Variants in RALGDS observed in about 807,000 individuals in gnomAD.
RALGDS encodes the protein ral guanine nucleotide dissociation stimulator.
RALGDS carries 44 observed loss-of-function variants against 99.8 expected under a neutral mutation model. That is an observed-to-expected ratio of 0.44 (90% confidence interval 0.35 to 0.57). The LOEUF (loss-of-function observed/expected upper bound fraction) is 0.57. RALGDS is among the 20% of genes least tolerant of loss of function. RALGDS has a pLI of 0.01. For missense variants in RALGDS, 1,022 were observed against 1,203.1 expected (o/e 0.85, Z 2.23); for synonymous variants, 529 against 505.0 (o/e 1.05, Z -0.64).
intron 1 of RALGDS, among the ~76,000 whole-genome samples, chr9:133,140,679 G>A (rs925416641): frequency 2.0e-5 from 3 of 152,118 alleles, no homozygotes; most frequent in African/African-American, 7.2e-5. Flanking sequence ...GTGGGGGAGG[G>A]GGTGGGGAAG....
intron 4 of RALGDS, among the ~76,000 whole-genome samples, 190 bp downstream of exon 4, chr9:133,109,436 C>T (rs1423705648): frequency 1.3e-5 from 2 of 152,208 alleles, no homozygotes; most frequent in Admixed American, 1.3e-4. Flanking sequence ...CCCCAGGACC[C>T]CTCCACAGCT....
At chr9:133,129,217 TCTC>T (rs760294261) in intron 1 of RALGDS, 5 of 1,597,132 alleles carry the variant, frequency 3.1e-6, no homozygotes, top group Admixed American at 1.7e-5. Context: ...CGACGGCCCT[TCTC>T]CTGGCGGTCA....
chr9:133,098,799 C>T, intron 17 of RALGDS, 37 bp from the exon 18 acceptor site: 1 of 1,604,340 alleles, frequency 6.2e-7, no homozygotes, highest in Non-Finnish European at 8.5e-7. Context: ...CAGGGATGCT[C>T]CTGGGGGCCC....
At chr9:133,149,115 G>T in exon 1 of RALGDS, 1 of 401,474 alleles carries the variant, frequency 2.5e-6, no homozygotes, top group Non-Finnish European at 3.5e-6. Flanking sequence ...TCCCCGCCGG[G>T]CCCAGGACTC....
At chr9:133,137,886 G>T (rs748399016) in intron 1 of RALGDS, among the ~76,000 whole-genome samples, 29 of 152,254 alleles carry the variant, frequency 1.9e-4, no homozygotes, top group Non-Finnish European at 3.8e-4. Flanking sequence ...AGGCACAGCC[G>T]TGGCTGGTGA....
intron 6 of RALGDS, among the ~76,000 whole-genome samples, 182 bp from the exon 7 acceptor site, chr9:133,107,482 C>T (rs925796952): frequency 6.6e-6 from 1 of 152,226 alleles, no homozygotes; most frequent in East Asian, 1.9e-4. Flanking sequence ...AGCACCGCCT[C>T]GCGCAGCCTC....
intron 12 of RALGDS, 48 bp from the exon 13 acceptor site, chr9:133,102,948 C>T (rs768574879): frequency 6.2e-7 from 1 of 1,608,068 alleles, no homozygotes; most frequent in South Asian, 1.1e-5. Context: ...CCCCGGGCAG[C>T]ACAGGGGCCA....
rs370287369 is a variant in RALGDS, at chr9:133,103,192, C to A, written c.1791+38G>T. 1.9e-6 allele frequency: 3 copies of A among 1,613,126 alleles called. No homozygotes were observed. In the South Asian group the frequency reaches 3.3e-5, roughly 18 times the overall value. ...GTCCTACCCTGGTGGGTCTGTTTTC[C>A]ACCCCTCCCCAAGTCAGGGCTGCCT... On this transcript the variant is annotated intron_variant, in intron 12 of 17. Coordinates refer to ENST00000372050, the MANE Select transcript of RALGDS (RefSeq NM_006266.4).
chr9:133,099,939 A>G (rs1218742588), intron 17 of RALGDS: 1 of 391,272 alleles, frequency 2.6e-6, no homozygotes, highest in Non-Finnish European at 4.8e-6. Context: ...TTCTTTGTAG[A>G]GCACATGTTT....
At chr9:133,098,784 G>T in intron 17 of RALGDS, 22 bp from the exon 18 acceptor site, 2 of 1,613,246 alleles carry the variant, frequency 1.2e-6, no homozygotes, top group Non-Finnish European at 1.7e-6. Context: ...GGGCAGAGGG[G>T]TGATCAGGGA....
rs1830590665 is a variant in RALGDS at position 133,098,235 on chromosome 9, G to C, written c.*352C>G. On this transcript the variant is annotated 3_prime_UTR_variant, in exon 18 of 18. Transcript: ENST00000372050. ...AGTGGGTGCTCTGGGGTGCCCATGGGCACAGGTGGCAGTGACCCACACCTG... is the reference window on the plus strand; with the variant it reads ...AGTGGGTGCTCTGGGGTGCCCATGGCCACAGGTGGCAGTGACCCACACCTG... 1 of 425,002 alleles carries C rather than the reference G, an allele frequency of 2.4e-6. No individual in the cohort carries two copies. Among genetic ancestry groups the C allele is most frequent in the African/African-American group, 2.0e-5 (1 of 50,852 alleles). 26.3% of individuals were successfully genotyped at this position (425,002 alleles called of 1,614,324 possible).
chr9:133,098,685 GCTT>G lies in RALGDS; in HGVS notation c.2644_2646del (p.Lys882del). ...ACCTTCACTCCCTTGGTGAAGGTCC[GCTT>G]CTTGAGGACAAAGTCATAGTTGGCG... On this transcript the variant is annotated inframe_deletion, in exon 18 of 18. Coordinates refer to ENST00000372050, the MANE Select transcript of RALGDS (RefSeq NM_006266.4). 1.2e-6 allele frequency: 2 copies of G among 1,614,044 alleles called. No individual in the cohort carries two copies. Among genetic ancestry groups the G allele is most frequent in the Non-Finnish European group, 1.7e-6 (2 of 1,179,928 alleles).
chr9:133,104,012 C>T (rs1051523331), intron 10 of RALGDS, among the ~76,000 whole-genome samples, 179 bp from the exon 11 acceptor site: 1 of 152,228 alleles, frequency 6.6e-6, no homozygotes, highest in South Asian at 2.1e-4. Context: ...CTGGGAAATG[C>T]CAGGTTCCCA....
Position 133,101,773 on chromosome 9 carries a change from C to G in RALGDS, c.2212-11G>C. On this transcript the variant is annotated splice_polypyrimidine_tract_variant and intron_variant, in intron 15 of 17. Transcript: ENST00000372050. ...GGCTGATTCCCAGAACTGAGGGAGACGGTAAGATCAGCAGATCCCACTGCC... is the reference window on the plus strand; with the variant it reads ...GGCTGATTCCCAGAACTGAGGGAGAGGGTAAGATCAGCAGATCCCACTGCC... 6.3e-7 allele frequency: 1 copy of G among 1,595,686 alleles called. No individual in the cohort carries two copies. The highest frequency in any genetic ancestry group is 8.5e-7 in the Non-Finnish European group (1 of 1,170,982).
At chr9:133,120,800 C>T (rs930969849) in intron 1 of RALGDS, among the ~76,000 whole-genome samples, 172 bp downstream of exon 1, 1 of 151,922 alleles carries the variant, frequency 6.6e-6, no homozygotes, top group African/African-American at 2.4e-5. Context: ...ACTGCCCACC[C>T]TGCTGGCTGA....
At chr9:133,107,029 A>T in intron 7 of RALGDS, 56 bp downstream of exon 7, 1 of 1,590,538 alleles carries the variant, frequency 6.3e-7, no homozygotes, top group African/African-American at 1.3e-5. Flanking sequence ...ACTGCAGACC[A>T]CAACCTGAGA....
intron 2 of RALGDS, 28 bp from the exon 3 acceptor site, chr9:133,110,517 A>G (rs1323641706): frequency 6.4e-7 from 1 of 1,573,388 alleles, no homozygotes; most frequent in Admixed American, 1.7e-5. Context: ...AGGGACAGAC[A>G]GTCAGTGGCA....
At chr9:133,123,765 C>G, upstream of RALGDS, among the ~76,000 whole-genome samples, 1 of 136,816 alleles carries the variant, frequency 7.3e-6, no homozygotes, top group Non-Finnish European at 1.6e-5. Context: ...CACACACACA[C>G]ACACAGAGAC....
At chr9:133,148,457 G>A (rs1344169132) in intron 1 of RALGDS, among the ~76,000 whole-genome samples, 1 of 151,414 alleles carries the variant, frequency 6.6e-6, no homozygotes, top group African/African-American at 2.4e-5. Context: ...GGATGCCCCT[G>A]CCCGTGGCAG....
Sources: gnomAD v4.1 joint callset for allele counts (sites outside exome capture counted in the v4.1 genomes callset) on GRCh38, gnomAD v4.1.1 for gene constraint, MANE v1.5 for transcripts, NCBI Gene and HGNC (gene_info 2026-07-23, HGNC 2026-07-21) for gene names.